The following CFAP47 variants were observed in gnomAD, a reference collection of about 807,000 sequenced individuals.
CFAP47 encodes cilia and flagella associated protein 47.
A neutral mutation model predicts 148.1 loss-of-function variants in CFAP47; 29 were observed. That is an observed-to-expected ratio of 0.20 (90% CI 0.15 to 0.27). The LOEUF (loss-of-function observed/expected upper bound fraction) is 0.27. Among genes scored for constraint, CFAP47 ranks in the 10% least tolerant of loss-of-function variants. The pLI is 1.00. For missense variants in CFAP47, 1,872 were observed against 1,697.5 expected (o/e 1.10, Z -1.81); for synonymous variants, 664 against 577.3 (o/e 1.15, Z -2.15).
At chrX:36,107,917 CTA>C (rs1938491924) in intron 33 of CFAP47, among the ~76,000 whole-genome samples, 1 of 111,402 alleles carries the variant, frequency 9.0e-6, no homozygotes, top group Admixed American at 9.6e-5. Context: ...CCTTCAATCT[CTA>C]TTTATTTATT....
chrX:36,270,864 T>A (rs1353338389), intron 49 of CFAP47, among the ~76,000 whole-genome samples: 2 of 109,557 alleles, frequency 1.8e-5, no homozygotes, highest in East Asian at 5.7e-4. Flanking sequence ...GTTTTTTATT[T>A]TGATGAAATG....
At chrX:36,321,306 C>A (rs1941477040) in intron 57 of CFAP47, among the ~76,000 whole-genome samples, 1 of 110,812 alleles carries the variant, frequency 9.0e-6, no homozygotes, top group African/African-American at 3.3e-5. Flanking sequence ...TTTGTGGGAT[C>A]TAAAAATAAA....
intron 39 of CFAP47, among the ~76,000 whole-genome samples, chrX:36,170,676 T>A (rs1163459426): frequency 1.8e-5 from 2 of 108,115 alleles, no homozygotes; most frequent in African/African-American, 6.8e-5. Context: ...TGTGCCACAT[T>A]TTCTTAATCC....
At chrX:36,213,776 G>C (rs1315550297) in intron 45 of CFAP47, among the ~76,000 whole-genome samples, 2 of 112,240 alleles carry the variant, frequency 1.8e-5, no homozygotes, top group Non-Finnish European at 3.8e-5. Context: ...TCACAATGCT[G>C]TTTATTCTTA....
intron 51 of CFAP47, among the ~76,000 whole-genome samples, chrX:36,287,630 G>A (rs1032979091): frequency 4.5e-5 from 5 of 111,312 alleles, no homozygotes; most frequent in Admixed American, 1.9e-4. Context: ...AGGCAGGTTT[G>A]CTGTATTAAT....
At chrX:35,942,905 G>A (rs1001223706) in intron 3 of CFAP47, among the ~76,000 whole-genome samples, 6 of 111,892 alleles carry the variant, frequency 5.4e-5, no homozygotes, top group African/African-American at 1.9e-4. Context: ...TTTGTATATA[G>A]TATTTGTAAT....
intron 55 of CFAP47, 87 bp downstream of exon 55, chrX:36,306,963 A>T: frequency 4.9e-6 from 2 of 407,169 alleles, no homozygotes; most frequent in Non-Finnish European, 7.6e-6. Context: ...TCACTCAATT[A>T]TCATATTTTG....
In CFAP47 at chrX:35,983,866, G is replaced by T. The variant is rs746757355; in HGVS notation, c.2714-5453G>T. 3.6e-5 allele frequency among the ~76,000 whole-genome samples: 4 copies of T among 112,004 alleles called. No homozygotes were observed. The East Asian group carries it at 1.1e-3, about 31-fold the overall frequency. ...ATGTGCTGTTGGATATGGCTTGCTAGTAATTTGCTAAGAATCTTTGCATTT... is the reference window on the plus strand; with the variant it reads ...ATGTGCTGTTGGATATGGCTTGCTATTAATTTGCTAAGAATCTTTGCATTT... On this transcript the variant is annotated intron_variant, in intron 15 of 63. Transcript: ENST00000378653.
chrX:36,113,680 G>A (rs1228683707), intron 33 of CFAP47, among the ~76,000 whole-genome samples: 1 of 111,646 alleles, frequency 9.0e-6, no homozygotes, highest in Non-Finnish European at 1.9e-5. Flanking sequence ...CCTGAAATAT[G>A]TTTTCCAAGT....
chrX:35,978,032 T>G (rs983620680), intron 15 of CFAP47, among the ~76,000 whole-genome samples: 1 of 112,379 alleles, frequency 8.9e-6, no homozygotes, highest in Non-Finnish European at 1.9e-5. Flanking sequence ...CTTTATAAAT[T>G]TTAATACTGA....
chrX:36,039,132 T>C lies in CFAP47; in HGVS notation c.3960T>C (p.Asp1320=). 1 of 1,102,151 alleles carries C rather than the reference T, an allele frequency of 9.1e-7. No homozygotes were observed. The allele number at this position is 1,102,151 out of a possible 1,213,427, so 90.8% of individuals were successfully genotyped here. Residue 1320 remains aspartate, a synonymous_variant, in exon 25 of 64, where the codon GAT becomes GAC. Coordinates refer to ENST00000378653, the MANE Select transcript of CFAP47 (RefSeq NM_001304548.2). ...TATTTTTCACTCCTGTTCCTTTGGATATAACAACTGTAATGGATATCAACA... is the reference window on the plus strand; with the variant it reads ...TATTTTTCACTCCTGTTCCTTTGGACATAACAACTGTAATGGATATCAACA... ...PFIFFTPVPL[D]ITTVMDINIL...
At chrX:36,063,365 T>C (rs1937609955) in intron 26 of CFAP47, among the ~76,000 whole-genome samples, 1 of 111,560 alleles carries the variant, frequency 9.0e-6, no homozygotes, top group Non-Finnish European at 1.9e-5. Context: ...TTTTCTGTTT[T>C]AATATATTTT....
intron 63 of CFAP47, among the ~76,000 whole-genome samples, chrX:36,383,696 A>G (rs1409820308): frequency 1.8e-5 from 2 of 111,456 alleles, no homozygotes; most frequent in African/African-American, 3.3e-5. Flanking sequence ...ATTGTTGTGC[A>G]ATACATTCTT....
chrX:36,202,083 T>C (rs1030402876), intron 44 of CFAP47, among the ~76,000 whole-genome samples: 5 of 111,406 alleles, frequency 4.5e-5, no homozygotes, highest in African/African-American at 1.6e-4. Flanking sequence ...TTACCTCGTA[T>C]ATATAATAAG....
intron 56 of CFAP47, among the ~76,000 whole-genome samples, chrX:36,313,374 C>A (rs1941409438): frequency 9.1e-6 from 1 of 109,870 alleles, no homozygotes; most frequent in Admixed American, 9.8e-5. Context: ...AAATATCAAA[C>A]ACTTATAAAA....
At chrX:36,013,304 A>C in intron 21 of CFAP47, among the ~76,000 whole-genome samples, 1 of 111,860 alleles carries the variant, frequency 8.9e-6, no homozygotes, top group Middle Eastern at 4.6e-3. Flanking sequence ...CTGAGTGTTA[A>C]TTGTTTTATG....
chrX:35,952,673 T>C (rs1177529621), intron 6 of CFAP47, among the ~76,000 whole-genome samples: 1 of 111,923 alleles, frequency 8.9e-6, no homozygotes, highest in African/African-American at 3.2e-5. Context: ...CTTGCTTTAA[T>C]TTAAAGAGGT....
intron 56 of CFAP47, among the ~76,000 whole-genome samples, chrX:36,312,849 C>T (rs1480127279): frequency 9.0e-6 from 1 of 111,211 alleles, no homozygotes; most frequent in Non-Finnish European, 1.9e-5. Context: ...CTTCCTTAAA[C>T]CTGAGGAGAT....
At chrX:36,160,102 G>C (rs1248992265) in intron 38 of CFAP47, among the ~76,000 whole-genome samples, 1 of 111,603 alleles carries the variant, frequency 9.0e-6, no homozygotes, top group Admixed American at 9.6e-5. Context: ...AGAAATTTAG[G>C]TGTGCAGGGC....
Sources: gnomAD v4.1 joint callset for allele counts (sites outside exome capture counted in the v4.1 genomes callset) on GRCh38, gnomAD v4.1.1 for gene constraint, MANE v1.5 for transcripts, NCBI Gene and HGNC (gene_info 2026-07-23, HGNC 2026-07-21) for gene names.